FBXO42: variants seen among roughly 807,000 people sequenced by gnomAD.
The protein encoded by FBXO42 is F-box protein 42, also known as F-box only protein 42.
In FBXO42, 12 loss-of-function variants were observed where a neutral mutation model predicts 71.7. The ratio of observed to expected loss-of-function variants is 0.17; its 90% CI spans 0.11 to 0.27. FBXO42 has a LOEUF of 0.27. FBXO42 is among the 10% of genes least tolerant of loss of function. FBXO42 has a pLI of 1.00. For missense variants in FBXO42, 707 were observed against 911.9 expected (o/e 0.78, Z 2.89); for synonymous variants, 325 against 327.5 (o/e 0.99, Z 0.08).
chr1:16,342,167 C>T (rs1557608943), intron 1 of FBXO42, among the ~76,000 whole-genome samples: 1 of 151,844 alleles, frequency 6.6e-6, no homozygotes, highest in Non-Finnish European at 1.5e-5. Flanking sequence ...GAGGCCAAGA[C>T]GGGCGGATCA....
chr1:16,330,599 C>T (rs1162623541), intron 1 of FBXO42, among the ~76,000 whole-genome samples: 1 of 151,972 alleles, frequency 6.6e-6, no homozygotes, highest in Non-Finnish European at 1.5e-5. Context: ...ACAAGGTCAA[C>T]AGATTGAGAC....
intron 4 of FBXO42, among the ~76,000 whole-genome samples, chr1:16,291,835 C>A (rs1473419588): frequency 1.3e-5 from 2 of 152,150 alleles, no homozygotes; most frequent in East Asian, 3.9e-4. Context: ...TCATGCCCGG[C>A]TCATTTTTAA....
chr1:16,312,996 T>C (rs1319859673), intron 2 of FBXO42, among the ~76,000 whole-genome samples: 2 of 152,204 alleles, frequency 1.3e-5, no homozygotes, highest in African/African-American at 2.4e-5. Context: ...GGTTTCACCA[T>C]GTTGACCAGG....
chr1:16,280,881 T>C (rs1452206743), intron 4 of FBXO42, among the ~76,000 whole-genome samples: 2 of 152,218 alleles, frequency 1.3e-5, no homozygotes, highest in East Asian at 3.8e-4. Flanking sequence ...CCTTGCTCCA[T>C]CACTTACTGG....
At chr1:16,267,277 A>G (rs2081786851) in intron 4 of FBXO42, among the ~76,000 whole-genome samples, 1 of 152,240 alleles carries the variant, frequency 6.6e-6, no homozygotes, top group Admixed American at 6.5e-5. Context: ...CCATGAAGAT[A>G]CAAGTACATA....
At chr1:16,334,177 T>C (rs916150808) in intron 1 of FBXO42, among the ~76,000 whole-genome samples, 1 of 152,102 alleles carries the variant, frequency 6.6e-6, no homozygotes, top group Non-Finnish European at 1.5e-5. Context: ...CTCACGCCTG[T>C]AATCCCAGCA....
chr1:16,295,708 A>G (rs1174268705), intron 3 of FBXO42, among the ~76,000 whole-genome samples: 2 of 152,122 alleles, frequency 1.3e-5, no homozygotes, highest in African/African-American at 4.8e-5. Context: ...ATGAATCTTT[A>G]TATGACACAC....
intron 3 of FBXO42, among the ~76,000 whole-genome samples, chr1:16,300,893 C>CTTTTTTTTTTTTTTTTTTTTTTTTTT (rs34549210): frequency 9.9e-6 from 1 of 100,896 alleles, no homozygotes; most frequent in African/African-American, 4.1e-5. Flanking sequence ...TAGAATTGGC[C>CTTTTTTTTTTTTTTTTTTTTTTTTTT]TTTTTTTTTT....
In FBXO42 at chr1:16,251,351, A is replaced by C; in HGVS notation, c.1473T>G (p.Asp491Glu). 6.2e-7 allele frequency: 1 copy of C among 1,614,108 alleles called. No individual in the cohort carries two copies. Among genetic ancestry groups the C allele is most frequent in the Non-Finnish European group, 8.5e-7 (1 of 1,180,024 alleles). ...TGGATCCTAATCTCAGATCTTTCTG[A>C]TCTGGTAGTGATCCTCGTCGGGGGG... ...SLAPRRGSLP[D>E]QKDLRLGSID... Residue 491 changes from aspartate to glutamate, a missense_variant, in exon 10 of 10, where the codon GAT becomes GAG. Transcript: ENST00000375592. This position sits in a 1 kb window ranked among gnomAD's most constrained non-coding sequence, Gnocchi z 4.5.
At chr1:16,310,469 T>C (rs1301616822) in intron 2 of FBXO42, among the ~76,000 whole-genome samples, 1 of 152,082 alleles carries the variant, frequency 6.6e-6, no homozygotes, top group Non-Finnish European at 1.5e-5. Context: ...AGGTTGAGTC[T>C]GCAGTGAGCC....
At chr1:16,275,533 C>G (rs1012790806) in intron 4 of FBXO42, among the ~76,000 whole-genome samples, 1 of 151,872 alleles carries the variant, frequency 6.6e-6, no homozygotes, top group South Asian at 2.1e-4. Context: ...GCAGGAGGAT[C>G]GCTTGAGCCC....
chr1:16,299,677 C>T (rs2100542418), intron 3 of FBXO42, among the ~76,000 whole-genome samples: 1 of 152,166 alleles, frequency 6.6e-6, no homozygotes, highest in East Asian at 1.9e-4. Context: ...TGGAGTCTCG[C>T]TCTGTCACCC....
intron 4 of FBXO42, among the ~76,000 whole-genome samples, chr1:16,276,679 T>G (rs1485007052): frequency 6.6e-6 from 1 of 152,236 alleles, no homozygotes; most frequent in Non-Finnish European, 1.5e-5. Flanking sequence ...AGGCATCATA[T>G]GAAATGAAAT....
rs549297294 is a variant in FBXO42, at chr1:16,278,389, A to C, written c.502+16394T>G. On this transcript the variant is annotated intron_variant, in intron 4 of 9. Transcript: ENST00000375592. Reference sequence around the variant, plus strand: ...AAAAACAAAAAACAAAACAAAAAAAACCACATCCAGCTGTTTCAATGTTAG... The same window carrying C: ...AAAAACAAAAAACAAAACAAAAAAACCCACATCCAGCTGTTTCAATGTTAG... Among the ~76,000 whole-genome samples the C allele has an allele frequency of 6.8e-4, 104 of 152,118 alleles. No individual in the cohort carries two copies. The South Asian group carries it at 0.017, about 25-fold the overall frequency.
chr1:16,272,939 T>G (rs1473694073), intron 4 of FBXO42, among the ~76,000 whole-genome samples: 1 of 152,174 alleles, frequency 6.6e-6, no homozygotes, highest in African/African-American at 2.4e-5. Context: ...CTTGTCTCGA[T>G]TCTTTTTGTT....
chr1:16,316,400 T>C (rs1435118767), intron 1 of FBXO42, among the ~76,000 whole-genome samples: 1 of 152,044 alleles, frequency 6.6e-6, no homozygotes, highest in African/African-American at 2.4e-5. Context: ...ATTCTATTTA[T>C]AGCATTCTGT....
At chr1:16,330,085 ATAT>A (rs577083432) in intron 1 of FBXO42, among the ~76,000 whole-genome samples, 183 of 152,340 alleles carry the variant, frequency 1.2e-3, no homozygotes, top group Non-Finnish European at 2.1e-3. Flanking sequence ...TGAAGTTATT[ATAT>A]TATTATCACA....
intron 4 of FBXO42, among the ~76,000 whole-genome samples, chr1:16,273,424 G>A (rs1474292215): frequency 2.6e-5 from 4 of 152,108 alleles, no homozygotes; most frequent in Non-Finnish European, 5.9e-5. Flanking sequence ...CTAAGGAAAT[G>A]GAGAGCTCTC....
intron 1 of FBXO42, among the ~76,000 whole-genome samples, chr1:16,319,419 C>T (rs1326824552): frequency 6.6e-6 from 1 of 152,156 alleles, no homozygotes; most frequent in African/African-American, 2.4e-5. Context: ...GCTTATGATA[C>T]TACAAATGTT....
Sources: allele counts gnomAD v4.1 joint callset (sites outside exome capture counted in the v4.1 genomes callset), GRCh38; gene constraint gnomAD v4.1.1; non-coding constraint Gnocchi (gnomAD v3.1); transcripts MANE v1.5; gene names NCBI Gene and HGNC (gene_info 2026-07-23, HGNC 2026-07-21).